CNGA3: variants seen among roughly 807,000 people sequenced by gnomAD.
The protein encoded by CNGA3 is cyclic nucleotide gated channel subunit alpha 3.
In CNGA3, 42 loss-of-function variants were observed where a neutral mutation model predicts 46.6. The ratio of observed to expected loss-of-function variants is 0.90; its 90% CI spans 0.70 to 1.17. The LOEUF (loss-of-function observed/expected upper bound fraction) is 1.17, where lower values mean the gene tolerates loss of function less well. Among genes scored for constraint, CNGA3 ranks in the 50% most tolerant of loss-of-function variants. CNGA3 has a pLI of 0.00. For missense variants in CNGA3, 893 were observed against 890.7 expected (o/e 1.00, Z -0.03); for synonymous variants, 394 against 369.4 (o/e 1.07, Z -0.76).
chr2:98,386,034 T>G (rs1692646530), intron 5 of CNGA3, among the ~76,000 whole-genome samples: 1 of 152,178 alleles, frequency 6.6e-6, no homozygotes, highest in South Asian at 2.1e-4. Context: ...TTTCCTGGCT[T>G]ATAAAATAAG....
chr2:98,361,507 T>C (rs1268702365), intron 1 of CNGA3, among the ~76,000 whole-genome samples: 2 of 152,126 alleles, frequency 1.3e-5, no homozygotes, highest in African/African-American at 4.8e-5. Flanking sequence ...GCCTGTATCT[T>C]TATAATAGAA....
At position 98,377,469 on chromosome 2, in the gene CNGA3, A is replaced by G. The variant is rs1692431254; in HGVS notation, c.102-218A>G. The stretch of plus-strand genomic sequence containing the variant: ...CCCGTCCTTTCACCTAGCCCTGGAC[A>G]GTAGCTACCTTCCTTGCTGTAAAGG... On this transcript the variant is annotated intron_variant, in intron 2 of 7. Coordinates refer to ENST00000272602, the MANE Select transcript of CNGA3 (RefSeq NM_001298.3). 2.0e-5 allele frequency: 11 copies of G among 557,832 alleles called. 1 individual carries two copies. In the South Asian group the frequency reaches 2.1e-4, roughly 11 times the overall value. 34.6% of individuals were successfully genotyped at this position (557,832 alleles called of 1,614,324 possible).
chr2:98,386,568 C>T (rs200554886), intron 5 of CNGA3, among the ~76,000 whole-genome samples: 1 of 152,258 alleles, frequency 6.6e-6, no homozygotes, highest in East Asian at 1.9e-4. Flanking sequence ...TCCATTAAAC[C>T]TCTTTCCTTT....
intron 4 of CNGA3, among the ~76,000 whole-genome samples, chr2:98,382,481 T>C (rs1692561437): frequency 6.6e-6 from 1 of 152,158 alleles, no homozygotes; most frequent in African/African-American, 2.4e-5. Context: ...CAGGATGAGC[T>C]GAAGTCATCA....
chr2:98,389,337 C>T (rs971994361), intron 5 of CNGA3, among the ~76,000 whole-genome samples: 1 of 152,218 alleles, frequency 6.6e-6, no homozygotes, highest in African/African-American at 2.4e-5. Flanking sequence ...TGTGACATTG[C>T]CATGCTGCGT....
chr2:98,349,157 C>T (rs530358763), intron 1 of CNGA3, among the ~76,000 whole-genome samples: 3 of 152,170 alleles, frequency 2.0e-5, no homozygotes, highest in African/African-American at 7.2e-5. Context: ...GGGGAGTCCA[C>T]TTGCCAGAAC....
chr2:98,375,809 C>T (rs902729253), intron 2 of CNGA3, among the ~76,000 whole-genome samples: 1 of 152,074 alleles, frequency 6.6e-6, no homozygotes, highest in Non-Finnish European at 1.5e-5. Context: ...GAGTGGATGA[C>T]AGCAAGTTTT....
intron 7 of CNGA3, among the ~76,000 whole-genome samples, chr2:98,392,818 TC>T (rs1443694656): frequency 1.3e-5 from 2 of 152,176 alleles, no homozygotes; most frequent in Non-Finnish European, 2.9e-5. Flanking sequence ...AATGAGGACT[TC>T]CTTCGAATCA....
In CNGA3 at chr2:98,351,261, G is replaced by A. The variant is rs572238240; in HGVS notation, c.-38+4727G>A. The A allele has an allele frequency of 2.0e-5, 3 of 152,354 alleles. No individual in the cohort carries two copies. In the East Asian group the frequency reaches 5.8e-4, roughly 29 times the overall value. 9.4% of individuals were successfully genotyped at this position (152,354 alleles called of 1,614,324 possible). On this transcript the variant is annotated intron_variant, in intron 1 of 7. Coordinates refer to ENST00000272602, the MANE Select transcript of CNGA3 (RefSeq NM_001298.3). Reference sequence around the variant, plus strand: ...TCGGTTTGCTCCTCTGTAAAATGGGGATGATATGGTTTCGCTCTGTCACCA... The same window carrying A: ...TCGGTTTGCTCCTCTGTAAAATGGGAATGATATGGTTTCGCTCTGTCACCA...
chr2:98,378,057 G>A, intron 3 of CNGA3: 1 of 1,550,616 alleles, frequency 6.4e-7, no homozygotes, highest in Non-Finnish European at 8.7e-7. Flanking sequence ...TACTTGCTCA[G>A]GTTTGGAAGA....
chr2:98,369,841 G>T (rs1692243836), intron 1 of CNGA3, 98 bp from the exon 2 acceptor site: 7 of 736,240 alleles, frequency 9.5e-6, no homozygotes, highest in Non-Finnish European at 1.7e-5. Context: ...GCCAGGGCTT[G>T]CAGGGGGGCC....
At chr2:98,376,359 G>A (rs1398470683) in intron 2 of CNGA3, among the ~76,000 whole-genome samples, 1 of 152,134 alleles carries the variant, frequency 6.6e-6, no homozygotes, top group Non-Finnish European at 1.5e-5. Context: ...GGGTGAGCTG[G>A]GGGTTCTGGC....
intron 1 of CNGA3, among the ~76,000 whole-genome samples, chr2:98,358,343 A>C (rs1374370025): frequency 6.6e-6 from 1 of 152,248 alleles, no homozygotes; most frequent in Non-Finnish European, 1.5e-5. Context: ...GGAATGGTAG[A>C]ATACCACCAA....
chr2:98,362,762 T>C (rs1312114582), intron 1 of CNGA3, among the ~76,000 whole-genome samples: 5 of 152,264 alleles, frequency 3.3e-5, no homozygotes, highest in Non-Finnish European at 7.3e-5. Context: ...GTATATTTTC[T>C]TCTAGGGTTT....
At chr2:98,362,456 C>G (rs1692056436) in intron 1 of CNGA3, among the ~76,000 whole-genome samples, 2 of 151,912 alleles carry the variant, frequency 1.3e-5, no homozygotes, top group Non-Finnish European at 2.9e-5. Context: ...GCTGGGATTA[C>G]AGATGTGAAC....
chr2:98,388,163 A>T (rs905323053), intron 5 of CNGA3, among the ~76,000 whole-genome samples: 1 of 151,924 alleles, frequency 6.6e-6, no homozygotes, highest in Non-Finnish European at 1.5e-5. Context: ...CGTCTCCACG[A>T]CGCCACACGC....
At chr2:98,363,886 G>A (rs1209049639) in intron 1 of CNGA3, among the ~76,000 whole-genome samples, 1 of 152,184 alleles carries the variant, frequency 6.6e-6, no homozygotes, top group Non-Finnish European at 1.5e-5. Context: ...AATATTGACA[G>A]TGGGGTGTTA....
intron 2 of CNGA3, among the ~76,000 whole-genome samples, chr2:98,374,412 C>T (rs1350483965): frequency 6.6e-6 from 1 of 152,172 alleles, no homozygotes; most frequent in Admixed American, 6.5e-5. Context: ...GCAGCCCACA[C>T]GTGGGAGGGA....
At position 98,363,777 on chromosome 2, in the gene CNGA3, G is replaced by A. The variant is rs146641979; in HGVS notation, c.-37-6162G>A. On this transcript the variant is annotated intron_variant, in intron 1 of 7. Transcript: ENST00000272602. ...TACCTATGTACATTCTGTTGTTTTCGGGTAGAGAGTTCTGTAGATATCTAT... is the reference window on the plus strand; with the variant it reads ...TACCTATGTACATTCTGTTGTTTTCAGGTAGAGAGTTCTGTAGATATCTAT... Among the ~76,000 whole-genome samples the A allele has an allele frequency of 2.6e-4, 39 of 152,056 alleles. No individual in the cohort carries two copies. In the East Asian group the frequency reaches 3.3e-3, roughly 13 times the overall value.
Sources: gnomAD v4.1 joint callset for allele counts (sites outside exome capture counted in the v4.1 genomes callset) on GRCh38, gnomAD v4.1.1 for gene constraint, MANE v1.5 for transcripts, NCBI Gene and HGNC (gene_info 2026-07-23, HGNC 2026-07-21) for gene names.